PLEKHM1: variants seen among roughly 807,000 people sequenced by gnomAD.
PLEKHM1 encodes pleckstrin homology domain-containing family M member 1.
In PLEKHM1, 28 loss-of-function variants were observed where a neutral mutation model predicts 94.3. The ratio of observed to expected loss-of-function variants is 0.30; its 90% confidence interval spans 0.22 to 0.41. PLEKHM1 has a LOEUF of 0.41. Among genes scored for constraint, PLEKHM1 ranks in the 10% least tolerant of loss-of-function variants. The probability of loss-of-function intolerance (pLI) is 1.00; values close to 1 mark genes in which losing one functional copy is unlikely to be tolerated. For missense variants in PLEKHM1, 907 were observed against 1,358.6 expected (o/e 0.67, Z 5.22); for synonymous variants, 424 against 581.2 (o/e 0.73, Z 3.89).
At position 45,453,379 on chromosome 17, in the gene PLEKHM1, C is replaced by T. The variant is rs2050831851; in HGVS notation, c.2473G>A (p.Asp825Asn). The part of the protein sequence containing the change: ...LVAIPMEKGL[D>N]SQGCFCAGCS... ...CCTGCGCAGAAGCAGCCTTGGGAGT[C>T]AAGGCCTTTCTCCATGGGGATAGCC... The change falls in exon 7 of 12, where the codon GAC becomes AAC. Residue 825 changes from aspartate (D) to asparagine (N), a missense_variant. Physicochemically the swap from Asp to Asn is conservative, Grantham distance 23 (BLOSUM62 1). Around this residue, in one of 3 missense-constraint regions of PLEKHM1, gnomAD observed 254 missense variants for 451.1 expected, o/e 0.56. Coordinates refer to ENST00000430334, the MANE Select transcript of PLEKHM1 (RefSeq NM_014798.3). This position sits in a 1 kb window ranked among gnomAD's most constrained non-coding sequence, Gnocchi z 4.1. The T allele has an allele frequency of 1.9e-6, 3 of 1,613,756 alleles. No homozygotes were observed. In the East Asian group the frequency reaches 6.7e-5, roughly 36 times the overall value.
At chr17:45,486,210 C>T in intron 1 of PLEKHM1, among the ~76,000 whole-genome samples, 1 of 143,178 alleles carries the variant, frequency 7.0e-6, no homozygotes, top group Non-Finnish European at 1.5e-5. Flanking sequence ...GAGAGAGACT[C>T]CGTCTCAAAA....
At chr17:45,490,105 C>T (rs996034314) in intron 1 of PLEKHM1, among the ~76,000 whole-genome samples, 1 of 151,928 alleles carries the variant, frequency 6.6e-6, no homozygotes, top group Non-Finnish European at 1.5e-5. Flanking sequence ...CTCAACAGGG[C>T]ACCTACTTTG....
At chr17:45,480,188 TAGA>T (rs1412066263) in intron 2 of PLEKHM1, among the ~76,000 whole-genome samples, 4 of 152,198 alleles carry the variant, frequency 2.6e-5, no homozygotes, top group African/African-American at 7.2e-5. Flanking sequence ...TACCTAATTT[TAGA>T]AGATTTTCTG....
At chr17:45,481,958 G>A (rs909358187) in intron 2 of PLEKHM1, among the ~76,000 whole-genome samples, 1 of 152,130 alleles carries the variant, frequency 6.6e-6, no homozygotes, top group African/African-American at 2.4e-5. Context: ...AGATAGCCCA[G>A]GAGGGTGCAA....
At chr17:45,473,418 C>T (rs1482660275) in intron 4 of PLEKHM1, among the ~76,000 whole-genome samples, 2 of 151,784 alleles carry the variant, frequency 1.3e-5, no homozygotes, top group Non-Finnish European at 2.9e-5. Flanking sequence ...AGTGAGACCC[C>T]CGTCTCTATA....
At position 45,439,743 on chromosome 17, in the gene PLEKHM1, C is replaced by A. The variant is rs2050383712; in HGVS notation, c.2902-109G>T. ...GCAGCTGCACTGAGGTGCCATGGCA[C>A]CCTGCCTGGAGAACTTCTACCCCCC... On this transcript the variant is annotated intron_variant, in intron 10 of 11. Coordinates refer to ENST00000430334, the MANE Select transcript of PLEKHM1 (RefSeq NM_014798.3). 2.4e-5 allele frequency: 35 copies of A among 1,436,486 alleles called. No individual in the cohort carries two copies. In the South Asian group the frequency reaches 3.2e-4, roughly 13 times the overall value. 89.0% of individuals were successfully genotyped at this position (1,436,486 alleles called of 1,614,324 possible). A position where few individuals can be genotyped will look rare whatever the true frequency, so the allele number is the denominator to read the frequency against.
At chr17:45,485,727 A>G (rs62065441) in intron 1 of PLEKHM1, among the ~76,000 whole-genome samples, 20,095 of 146,972 alleles carry the variant, frequency 0.14, 1,624 homozygotes, top group Middle Eastern at 0.23. Context: ...GTGAAACCCT[A>G]TCTCTAATTA....
rs1478534858 is a variant in PLEKHM1, at chr17:45,436,002, A to C, written c.*1856T>G. ...ACTCCTCAGGGCCAGAGCCCTGCTC[A>C]CTAGGAACAGTGTATTGCATAAAAT... On this transcript the variant is annotated 3_prime_UTR_variant, in exon 12 of 12. Transcript: ENST00000430334. The C allele has an allele frequency of 2.2e-6, 1 of 456,572 alleles. No individual in the cohort carries two copies. The highest frequency in any genetic ancestry group is 4.4e-6 in the Non-Finnish European group (1 of 226,996). 28.3% of individuals were successfully genotyped at this position (456,572 alleles called of 1,614,324 possible). A position where few individuals can be genotyped will look rare whatever the true frequency, so the allele number is the denominator to read the frequency against.
intron 8 of PLEKHM1, chr17:45,446,273 T>C (rs2050603109): frequency 6.5e-6 from 1 of 154,764 alleles, no homozygotes; most frequent in Non-Finnish European, 1.4e-5. Context: ...CCAATGCCAA[T>C]AATCGAGCGC....
At chr17:45,479,517 CA>C (rs55781182) in intron 2 of PLEKHM1, among the ~76,000 whole-genome samples, 14,011 of 86,248 alleles carry the variant, frequency 0.16, 669 homozygotes, top group Middle Eastern at 0.21. Flanking sequence ...GACTCCGCCT[CA>C]AAAAAAAAAA....
chr17:45,473,276 G>A (rs1395598202), intron 4 of PLEKHM1, among the ~76,000 whole-genome samples: 1 of 151,938 alleles, frequency 6.6e-6, no homozygotes, highest in Admixed American at 6.6e-5. Context: ...TCATACACTA[G>A]AACAATATGC....
intron 6 of PLEKHM1, among the ~76,000 whole-genome samples, chr17:45,457,852 G>T (rs933290440): frequency 6.6e-6 from 1 of 152,180 alleles, no homozygotes; most frequent in Admixed American, 6.5e-5. Flanking sequence ...TCATGGGGCC[G>T]GATGTGCTCT....
At chr17:45,464,822 C>T (rs1465792171) in intron 5 of PLEKHM1, among the ~76,000 whole-genome samples, 1 of 152,236 alleles carries the variant, frequency 6.6e-6, no homozygotes, top group Non-Finnish European at 1.5e-5. Flanking sequence ...CCACTTTGGC[C>T]TCCCAAATTG....
intron 1 of PLEKHM1, among the ~76,000 whole-genome samples, chr17:45,488,697 G>C (rs1204892044): frequency 2.6e-5 from 4 of 152,192 alleles, no homozygotes; most frequent in Admixed American, 6.5e-5. Flanking sequence ...CCAGCACTTT[G>C]GGAGGCCGAG....
At chr17:45,474,955 G>A in intron 4 of PLEKHM1, 145 bp downstream of exon 4, 9 of 804,702 alleles carry the variant, frequency 1.1e-5, no homozygotes, top group South Asian at 7.5e-5. Context: ...CCAGTCCCTG[G>A]AGAAGTCGAT....
rs778622474 is a variant in PLEKHM1 at position 45,439,710 on chromosome 17, C to T, written c.2902-76G>A. ...AGGGCTGGTAAACTGAGGCCCCAGG[C>T]CTTTCAAGCAGCTGCACTGAGGTGC... is the stretch of plus-strand genomic sequence containing the variant. On this transcript the variant is annotated intron_variant, in intron 10 of 11. Transcript: ENST00000430334. 6 of 1,588,650 alleles carry T rather than the reference C, an allele frequency of 3.8e-6. No individual in the cohort carries two copies. In the East Asian group the frequency reaches 1.1e-4, roughly 30 times the overall value.
rs1443677636 is a variant in PLEKHM1 at position 45,453,791 on chromosome 17, C to T, written c.2061G>A (p.Glu687=). Residue 687 remains glutamate (E), a synonymous_variant, in exon 7 of 12, where the codon GAG becomes GAA. Transcript: ENST00000430334. This position sits in a 1 kb window ranked among gnomAD's most constrained non-coding sequence, Gnocchi z 4.1. The part of the protein sequence containing the change: ...AQVPEPDAIK[E]SLLYLYMDRT... ...TGTCCATGTACAAGTACAGCAGGGA[C>T]TCCTTGATGGCATCTGGCTCTGGAA... 2 of 1,613,998 alleles carry T rather than the reference C, an allele frequency of 1.2e-6. No homozygotes were observed. Among genetic ancestry groups the T allele is most frequent in the Non-Finnish European group, 1.7e-6 (2 of 1,179,868 alleles).
intron 5 of PLEKHM1, among the ~76,000 whole-genome samples, chr17:45,467,685 C>T (rs1334790237): frequency 6.6e-6 from 1 of 152,132 alleles, no homozygotes; most frequent in Non-Finnish European, 1.5e-5. Flanking sequence ...TGCTTGAACC[C>T]AGGAGGCGAA....
At position 45,437,975 on chromosome 17, in the gene PLEKHM1, G is replaced by T; in HGVS notation, c.3060-6C>A. 6.2e-7 allele frequency: 1 copy of T among 1,610,260 alleles called. No homozygotes were observed. Among genetic ancestry groups the T allele is most frequent in the South Asian group, 1.1e-5 (1 of 91,022 alleles). ...CGGTCTTGCACTCGGCACACCTGGG[G>T]AGAGAGCAGTAGGCCTGCTGGTGCC... On this transcript the variant is annotated splice_region_variant and splice_polypyrimidine_tract_variant and intron_variant, in intron 11 of 11. Coordinates refer to ENST00000430334, the MANE Select transcript of PLEKHM1 (RefSeq NM_014798.3). The surrounding 1 kb of genome is among the most constrained non-coding windows in gnomAD (Gnocchi z 4.0).
Sources: allele counts gnomAD v4.1 joint callset (sites outside exome capture counted in the v4.1 genomes callset), GRCh38; gene constraint gnomAD v4.1.1; regional missense constraint gnomAD v4.1.1; non-coding constraint Gnocchi (gnomAD v3.1); transcripts MANE v1.5; gene names NCBI Gene and HGNC (gene_info 2026-07-23, HGNC 2026-07-21).